The following VWC2L variants were observed in gnomAD, a reference collection of about 807,000 sequenced individuals.
VWC2L encodes the protein von Willebrand factor C domain-containing protein 2-like.
VWC2L carries 10 observed loss-of-function variants against 21.6 expected under a neutral mutation model. The ratio of observed to expected loss-of-function variants is 0.46; its 90% CI spans 0.29 to 0.78. The LOEUF (loss-of-function observed/expected upper bound fraction) is 0.78, where lower values mean the gene tolerates loss of function less well. Ranked by LOEUF, VWC2L falls within the 30% of genes least tolerant of loss-of-function variation. VWC2L has a pLI of 0.10. For synonymous variants in VWC2L, 96 were observed against 94.3 expected (o/e 1.02, Z -0.10); for missense variants, 209 against 277.1 (o/e 0.75, Z 1.74).
In VWC2L at chr2:214,522,233, T is replaced by G. The variant is rs373356871; in HGVS notation, c.521-53439T>G. The stretch of plus-strand genomic sequence containing the variant: ...TACTAAAAATACAAAAAATTAGCCA[T>G]GCGTGGTGGCGGGAGCCTGTAGTCC... On this transcript the variant is annotated intron_variant, in intron 3 of 3. Transcript: ENST00000312504. Among the ~76,000 whole-genome samples, 243 of 151,894 alleles carry G rather than the reference T, an allele frequency of 1.6e-3. 1 individual carries two copies. The highest frequency in any genetic ancestry group is 5.7e-3 in the African/African-American group (236 of 41,444).
chr2:214,450,839 G>A (rs759971431), intron 3 of VWC2L, among the ~76,000 whole-genome samples: 38 of 152,148 alleles, frequency 2.5e-4, no homozygotes, highest in Non-Finnish European at 4.6e-4. Flanking sequence ...ACTACTAAGA[G>A]TAACACTGGC....
chr2:214,458,028 T>G (rs558741282), intron 3 of VWC2L, among the ~76,000 whole-genome samples: 1 of 152,216 alleles, frequency 6.6e-6, no homozygotes, highest in South Asian at 2.1e-4. Context: ...TTGAATAGTT[T>G]GAGGACAATA....
chr2:214,524,885 T>C (rs1689303629), intron 3 of VWC2L, among the ~76,000 whole-genome samples: 1 of 151,894 alleles, frequency 6.6e-6, no homozygotes, highest in Non-Finnish European at 1.5e-5. Flanking sequence ...ATAAATTCAT[T>C]TCTATTTTTC....
chr2:214,443,210 A>G (rs1038655295), intron 3 of VWC2L, among the ~76,000 whole-genome samples: 7 of 151,974 alleles, frequency 4.6e-5, no homozygotes, highest in Non-Finnish European at 7.4e-5. Flanking sequence ...GAAACCCTGT[A>G]GCTACAACAA....
chr2:214,414,502 T>C lies in VWC2L; in HGVS notation c.309T>C (p.Asn103=), dbSNP rs1199771856. ...CAAAGTGTACTAAAGTGGAACACAA[T>C]GGATGCTGTCCTGAGTGCAAAGAAG... ...IHPKCTKVEH[N]GCCPECKEVK... is the part of the protein sequence containing the mutation. Residue 103 remains asparagine (N), a synonymous_variant, in exon 2 of 4, where the codon AAT becomes AAC. Coordinates refer to ENST00000312504, the MANE Select transcript of VWC2L (RefSeq NM_001080500.4). 2 of 1,613,414 alleles carry C rather than the reference T, an allele frequency of 1.2e-6. No homozygotes were observed. The highest frequency in any genetic ancestry group is 1.3e-5 in the African/African-American group (1 of 74,882).
At chr2:214,555,564 T>C (rs1374089078) in intron 3 of VWC2L, among the ~76,000 whole-genome samples, 1 of 152,210 alleles carries the variant, frequency 6.6e-6, no homozygotes, top group East Asian at 1.9e-4. Flanking sequence ...AATAATTAAC[T>C]ATTCTTAATA....
rs1039255799 is a variant in VWC2L, at chr2:214,446,869, AT to A, written c.520+10119del. Among the ~76,000 whole-genome samples the A allele has an allele frequency of 7.9e-5, 12 of 152,142 alleles. No homozygotes were observed. In the East Asian group the frequency reaches 1.5e-3, roughly 20 times the overall value. ...AGGGTGTTGAACACATACATATGGAATTTTTTTTCATAAACATTCATATAAT... is the reference window on the plus strand; with the variant it reads ...AGGGTGTTGAACACATACATATGGAATTTTTTTCATAAACATTCATATAAT... On this transcript the variant is annotated intron_variant, in intron 3 of 3. Coordinates refer to ENST00000312504, the MANE Select transcript of VWC2L (RefSeq NM_001080500.4).
chr2:214,531,578 G>A (rs1028204186), intron 3 of VWC2L, among the ~76,000 whole-genome samples: 3 of 152,064 alleles, frequency 2.0e-5, no homozygotes, highest in Non-Finnish European at 4.4e-5. Context: ...AAGCTCTTCA[G>A]TCGGCAGATG....
chr2:214,433,421 GTTC>G (rs1228284552), intron 2 of VWC2L, among the ~76,000 whole-genome samples: 2 of 151,894 alleles, frequency 1.3e-5, no homozygotes, highest in Non-Finnish European at 2.9e-5. Flanking sequence ...AATTTCACAT[GTTC>G]TTCTTTAAAA....
intron 3 of VWC2L, 22 bp downstream of exon 3, chr2:214,436,780 T>G: frequency 1.9e-6 from 3 of 1,612,164 alleles, no homozygotes; most frequent in Non-Finnish European, 2.5e-6. Flanking sequence ...CTGCATTAGC[T>G]TTTGAAGAGG....
intron 3 of VWC2L, among the ~76,000 whole-genome samples, chr2:214,445,027 AAGT>A (rs993094242): frequency 6.6e-6 from 1 of 151,928 alleles, no homozygotes; most frequent in African/African-American, 2.4e-5. Flanking sequence ...TTTCATCTGT[AAGT>A]TTTTTCATAT....
chr2:214,544,264 G>T (rs1689671412), intron 3 of VWC2L, among the ~76,000 whole-genome samples: 1 of 152,148 alleles, frequency 6.6e-6, no homozygotes, highest in African/African-American at 2.4e-5. Context: ...GTATAGATTA[G>T]AGAGCCCTGT....
intron 3 of VWC2L, among the ~76,000 whole-genome samples, chr2:214,446,832 G>C (rs1448089868): frequency 6.6e-6 from 1 of 152,160 alleles, no homozygotes; most frequent in African/African-American, 2.4e-5. Flanking sequence ...GGACGCTTGA[G>C]AGACTGATGG....
intron 3 of VWC2L, among the ~76,000 whole-genome samples, chr2:214,446,748 C>T (rs1336630851): frequency 6.6e-6 from 1 of 152,070 alleles, no homozygotes; most frequent in African/African-American, 2.4e-5. Context: ...CCCTTGAAAA[C>T]AGACACATTA....
intron 3 of VWC2L, among the ~76,000 whole-genome samples, chr2:214,530,735 T>A (rs1306968444): frequency 6.6e-6 from 1 of 152,204 alleles, no homozygotes; most frequent in Non-Finnish European, 1.5e-5. Context: ...GACCTAGTTA[T>A]ATCTGCTTTC....
chr2:214,419,449 GCTT>G (rs1458756387), intron 2 of VWC2L, among the ~76,000 whole-genome samples: 3 of 152,180 alleles, frequency 2.0e-5, no homozygotes, highest in Non-Finnish European at 2.9e-5. Flanking sequence ...GCTAGAATTA[GCTT>G]TTTTGACTAT....
intron 3 of VWC2L, among the ~76,000 whole-genome samples, chr2:214,504,412 T>C (rs921388562): frequency 1.3e-5 from 2 of 152,198 alleles, no homozygotes; most frequent in African/African-American, 4.8e-5. Context: ...ATAGAGGGCA[T>C]GGTAGTTTCT....
At chr2:214,430,032 C>T (rs1395294357) in intron 2 of VWC2L, among the ~76,000 whole-genome samples, 1 of 152,024 alleles carries the variant, frequency 6.6e-6, no homozygotes, top group African/African-American at 2.4e-5. Context: ...CCATGTTGGC[C>T]AGGCTAGTCT....
intron 3 of VWC2L, among the ~76,000 whole-genome samples, chr2:214,518,800 A>T (rs757811113): frequency 1.5e-4 from 23 of 152,234 alleles, no homozygotes; most frequent in Non-Finnish European, 7.3e-5. Flanking sequence ...AAATTAAATG[A>T]GATAATTTAG....
Sources: allele counts gnomAD v4.1 joint callset (sites outside exome capture counted in the v4.1 genomes callset), GRCh38; gene constraint gnomAD v4.1.1; transcripts MANE v1.5; gene names NCBI Gene and HGNC (gene_info 2026-07-23, HGNC 2026-07-21).